MAP3K15: variants seen among roughly 807,000 people sequenced by gnomAD.
MAP3K15 encodes MAPK/ERK kinase kinase 15.
MAP3K15 carries 124 observed loss-of-function variants against 99.5 expected under a neutral mutation model. The observed-to-expected ratio is 1.25, with a 90% CI of 1.08 to 1.45. MAP3K15 has a LOEUF of 1.45. MAP3K15 is among the 40% of genes most tolerant of loss of function. The pLI is 0.00. For synonymous variants in MAP3K15, 494 were observed against 439.6 expected, an observed-to-expected ratio of 1.12 and a Z score of -1.55; for missense variants, 1,242 against 1,079.7, an observed-to-expected ratio of 1.15 and a Z score of -2.11.
chrX:19,406,186 T>C (rs2063646312), intron 13 of MAP3K15, among the ~76,000 whole-genome samples: 1 of 112,207 alleles, frequency 8.9e-6, no homozygotes, highest in Non-Finnish European at 1.9e-5. Context: ...TGGCAGTTCC[T>C]CAAAAGGTTA....
Position 19,420,789 on chromosome X carries a change from G to A in MAP3K15, c.1439+4742C>T, listed in dbSNP as rs188481032. Among the ~76,000 whole-genome samples the A allele has an allele frequency of 6.1e-3, 680 of 111,569 alleles. 3 individuals carry two copies. Among genetic ancestry groups the A allele is most frequent in the South Asian group, 0.02 (54 of 2,661 alleles). ...CATCAATGCAAAAATCCTCAATAAA[G>A]TACTGGCAAACGGAATCCAGCAGCA... On this transcript the variant is annotated intron_variant, in intron 9 of 28. Transcript: ENST00000338883.
At chrX:19,433,833 G>T (rs1257722684) in intron 6 of MAP3K15, among the ~76,000 whole-genome samples, 3 of 112,044 alleles carry the variant, frequency 2.7e-5, no homozygotes, top group Admixed American at 9.6e-5. Context: ...TTTGAACAAA[G>T]ATGTTTGTTA....
chrX:19,373,719 G>A lies in MAP3K15; in HGVS notation c.2774-24C>T, dbSNP rs1458698375. ...TTCTGTAGGGGGACAGCCAGACACC[G>A]AATGGGGAGACTCAGAGAGGGACGG... On this transcript the variant is annotated intron_variant, in intron 20 of 28. Transcript: ENST00000338883. The A allele has an allele frequency of 6.7e-6, 8 of 1,188,084 alleles. No individual in the cohort carries two copies. The East Asian group carries it at 1.2e-4, about 18-fold the overall frequency.
chrX:19,398,919 A>G (rs186759109), intron 14 of MAP3K15, among the ~76,000 whole-genome samples: 1 of 112,030 alleles, frequency 8.9e-6, no homozygotes, highest in East Asian at 2.8e-4. Context: ...CTTCCCATCA[A>G]AAGCTGTCAC....
intron 6 of MAP3K15, among the ~76,000 whole-genome samples, chrX:19,456,489 G>A (rs2064093842): frequency 1.8e-5 from 2 of 112,247 alleles, no homozygotes; most frequent in Admixed American, 1.9e-4. Flanking sequence ...TGCCTGCAAA[G>A]GAGCACAAGG....
chrX:19,364,560 A>C (rs1343716699), intron 25 of MAP3K15, among the ~76,000 whole-genome samples: 1 of 111,545 alleles, frequency 9.0e-6, no homozygotes, highest in Non-Finnish European at 1.9e-5. Context: ...AAACCTAAAA[A>C]TACGACTCTA....
chrX:19,457,891 C>T (rs2064105293), intron 5 of MAP3K15, among the ~76,000 whole-genome samples: 1 of 111,768 alleles, frequency 8.9e-6, no homozygotes, highest in Admixed American at 9.6e-5. Flanking sequence ...CCTCATGCCC[C>T]ACACACGCAC....
intron 18 of MAP3K15, among the ~76,000 whole-genome samples, chrX:19,390,303 C>CTTTTTT (rs869140702): frequency 1.4e-5 from 1 of 69,353 alleles, no homozygotes; most frequent in Non-Finnish European, 2.5e-5. Flanking sequence ...CTAATTTTTT[C>CTTTTTT]TTTTTTTTTT....
chrX:19,429,160 T>C (rs2063858211), intron 7 of MAP3K15, among the ~76,000 whole-genome samples: 2 of 110,425 alleles, frequency 1.8e-5, no homozygotes, highest in Non-Finnish European at 3.8e-5. Context: ...ACACCTAGAA[T>C]GGTGATCTGA....
At position 19,425,632 on chromosome X, in the gene MAP3K15, G is replaced by A. The variant is rs2063823412; in HGVS notation, c.1338C>T (p.Tyr446=). The change falls in exon 9 of 29, where the codon TAC becomes TAT. Residue 446 remains tyrosine, a synonymous_variant. Coordinates refer to ENST00000338883, the MANE Select transcript of MAP3K15 (RefSeq NM_001001671.4). The part of the protein sequence containing the change: ...RKGSLEKMNN[Y]WDVGQFFSVS... ...CGCTGAAGAACTGACCCACATCCCAGTAATTGTTCATTTTCTCCAAGCTCC... is the reference window on the plus strand; with the variant it reads ...CGCTGAAGAACTGACCCACATCCCAATAATTGTTCATTTTCTCCAAGCTCC... 1.6e-5 allele frequency: 19 copies of A among 1,199,127 alleles called. No homozygotes were observed. Among genetic ancestry groups the A allele is most frequent in the Non-Finnish European group, 2.0e-5 (18 of 894,373 alleles).
At chrX:19,472,899 A>C (rs1051948902) in intron 3 of MAP3K15, among the ~76,000 whole-genome samples, 1 of 111,835 alleles carries the variant, frequency 8.9e-6, no homozygotes, top group Non-Finnish European at 1.9e-5. Context: ...TCAAATCCTA[A>C]ATAATGAGGT....
At position 19,392,041 on chromosome X, in the gene MAP3K15, G is replaced by A. The variant is rs768703203; in HGVS notation, c.2392C>T (p.Arg798Cys). The A allele has an allele frequency of 1.1e-5, 13 of 1,209,140 alleles. No homozygotes were observed. The East Asian group carries it at 2.7e-4, about 25-fold the overall frequency. Residue 798 changes from arginine (R) to cysteine (C), a missense_variant, in exon 18 of 29, where the codon CGT (arginine) becomes TGT (cysteine). By Grantham distance (180) the Arg-to-Cys change is radical. Coordinates refer to ENST00000338883, the MANE Select transcript of MAP3K15 (RefSeq NM_001001671.4). ...GTGCAGGGGTTCACACCCGCAAGACGTTTCGAGGTTCCAAAATCGGAGATT... is the reference window on the plus strand; with the variant it reads ...GTGCAGGGGTTCACACCCGCAAGACATTTCGAGGTTCCAAAATCGGAGATT... Reference protein sequence around the residue: ...VKISDFGTSKRLAGVNPCTET... With the variant: ...VKISDFGTSKCLAGVNPCTET...
At chrX:19,444,247 C>T (rs183395125) in intron 6 of MAP3K15, among the ~76,000 whole-genome samples, 39 of 111,805 alleles carry the variant, frequency 3.5e-4, no homozygotes, top group African/African-American at 1.1e-3. Context: ...TAAGAGTAAG[C>T]GTCTAGGTCA....
Position 19,505,302 on chromosome X carries a change from T to G in MAP3K15, c.361+9599A>C, listed in dbSNP as rs1374114347. Among the ~76,000 whole-genome samples the G allele has an allele frequency of 2.7e-5, 3 of 111,500 alleles. No individual in the cohort carries two copies. In the East Asian group the frequency reaches 8.4e-4, roughly 31 times the overall value. On this transcript the variant is annotated intron_variant, in intron 1 of 28. Coordinates refer to ENST00000338883, the MANE Select transcript of MAP3K15 (RefSeq NM_001001671.4). ...GATGACCCACAGCCTGACTCTTTCT[T>G]GGTAAGGCCTACCCCAGGAGATAAT...
chrX:19,451,808 A>T (rs1014760938), intron 6 of MAP3K15, among the ~76,000 whole-genome samples: 1 of 109,873 alleles, frequency 9.1e-6, no homozygotes, highest in African/African-American at 3.3e-5. Context: ...TCATGCCTGT[A>T]ATCTCAGCAC....
rs781465340 is a variant in MAP3K15 at position 19,493,469 on chromosome X, G to T, written c.362-4502C>A. Among the ~76,000 whole-genome samples, 3 of 111,424 alleles carry T rather than the reference G, an allele frequency of 2.7e-5. No individual in the cohort carries two copies. In the East Asian group the frequency reaches 8.3e-4, roughly 31 times the overall value. On this transcript the variant is annotated intron_variant, in intron 1 of 28. Coordinates refer to ENST00000338883, the MANE Select transcript of MAP3K15 (RefSeq NM_001001671.4). Reference sequence around the variant, plus strand: ...GCCAGTAGACTAAGTTCACTTTGAGGATTTATACCAAAATAGTATGCAACT... The same window carrying T: ...GCCAGTAGACTAAGTTCACTTTGAGTATTTATACCAAAATAGTATGCAACT...
chrX:19,360,719 G>A lies in MAP3K15; in HGVS notation c.*30C>T, dbSNP rs1465285550. The A allele has an allele frequency of 1.8e-6, 2 of 1,115,044 alleles. No homozygotes were observed. The highest frequency in any genetic ancestry group is 2.5e-6 in the Non-Finnish European group (2 of 811,507). 91.9% of individuals were successfully genotyped at this position (1,115,044 alleles called of 1,213,427 possible). ...TTTAACAAAACATGTAGCGTGGTGGGACACTCTGCCACAGCTTAGCTGATT... is the reference window on the plus strand; with the variant it reads ...TTTAACAAAACATGTAGCGTGGTGGAACACTCTGCCACAGCTTAGCTGATT... On this transcript the variant is annotated 3_prime_UTR_variant, in exon 29 of 29. Coordinates refer to ENST00000338883, the MANE Select transcript of MAP3K15 (RefSeq NM_001001671.4).
At position 19,437,998 on chromosome X, in the gene MAP3K15, G is replaced by A. The variant is rs138436928; in HGVS notation, c.996-6390C>T. 7.5e-3 allele frequency among the ~76,000 whole-genome samples: 840 copies of A among 112,523 alleles called. 32 individuals carry two copies. Among genetic ancestry groups the A allele is most frequent in the Admixed American group, 0.07 (742 of 10,580 alleles). ...ATATTACACCAAACTGACAAGACAGGTTACTTCCGGAATATGGACGGGACA... is the reference window on the plus strand; with the variant it reads ...ATATTACACCAAACTGACAAGACAGATTACTTCCGGAATATGGACGGGACA... On this transcript the variant is annotated intron_variant, in intron 6 of 28. Coordinates refer to ENST00000338883, the MANE Select transcript of MAP3K15 (RefSeq NM_001001671.4).
At chrX:19,483,767 G>C (rs774244756) in intron 3 of MAP3K15, among the ~76,000 whole-genome samples, 63 of 111,712 alleles carry the variant, frequency 5.6e-4, no homozygotes, top group South Asian at 3.8e-4. Context: ...CTATTTTAAT[G>C]TTTAACCACC....
Sources: gnomAD v4.1 joint callset for allele counts (sites outside exome capture counted in the v4.1 genomes callset) on GRCh38, gnomAD v4.1.1 for gene constraint, MANE v1.5 for transcripts, NCBI Gene and HGNC (gene_info 2026-07-23, HGNC 2026-07-21) for gene names.